NR2F1-AS1: variants seen among roughly 807,000 people sequenced by gnomAD.
NR2F1-AS1 encodes the protein NR2F1 antisense RNA 1.
In NR2F1-AS1 at chr5:93,497,248, C is replaced by T. The variant is rs375260726; in HGVS notation, n.638+56513G>A. ...ATGTGAAGGACGTGCATGAAGAATG[C>T]GGAAGCAGGAAATGACTTGGAGAGC... is the stretch of plus-strand genomic sequence containing the variant. On this transcript the variant is annotated intron_variant and non_coding_transcript_variant, in intron 4 of 5. Transcript: ENST00000660523. Among the ~76,000 whole-genome samples, 21 of 152,080 alleles carry T rather than the reference C, an allele frequency of 1.4e-4. No homozygotes were observed. The East Asian group carries it at 3.1e-3, about 22-fold the overall frequency.
At chr5:93,514,007 G>A (rs1164580568) in intron 4 of NR2F1-AS1, among the ~76,000 whole-genome samples, 1 of 152,000 alleles carries the variant, frequency 6.6e-6, no homozygotes, top group South Asian at 2.1e-4. Flanking sequence ...TACAATAGTT[G>A]ACCCTCATGA....
intron 4 of NR2F1-AS1, among the ~76,000 whole-genome samples, chr5:93,443,594 G>A (rs1440837317): frequency 6.6e-6 from 1 of 152,178 alleles, no homozygotes; most frequent in Non-Finnish European, 1.5e-5. Flanking sequence ...TTAAAGTGAT[G>A]AGGGGAATGG....
At chr5:93,539,564 G>A (rs1438195971) in intron 4 of NR2F1-AS1, among the ~76,000 whole-genome samples, 2 of 152,020 alleles carry the variant, frequency 1.3e-5, no homozygotes, top group African/African-American at 2.4e-5. Flanking sequence ...AAATTATAGA[G>A]GCAGAGAGAA....
At chr5:93,449,665 T>C (rs1395330192) in intron 4 of NR2F1-AS1, among the ~76,000 whole-genome samples, 2 of 152,170 alleles carry the variant, frequency 1.3e-5, no homozygotes, top group Non-Finnish European at 2.9e-5. Flanking sequence ...TCACCCTTTA[T>C]AAAAGGCAAG....
intron 4 of NR2F1-AS1, among the ~76,000 whole-genome samples, chr5:93,519,843 G>C (rs1561480248): frequency 6.6e-6 from 1 of 151,822 alleles, no homozygotes. Context: ...TGAAAAATTA[G>C]ACAAAATAAC....
At chr5:93,480,551 A>G (rs1474041375) in intron 4 of NR2F1-AS1, among the ~76,000 whole-genome samples, 2 of 152,174 alleles carry the variant, frequency 1.3e-5, no homozygotes, top group Admixed American at 6.5e-5. Context: ...AAAGCCATAC[A>G]ATGAAATAAA....
intron 2 of NR2F1-AS1, among the ~76,000 whole-genome samples, chr5:93,560,307 C>T (rs558573238): frequency 1.2e-4 from 19 of 152,290 alleles, no homozygotes; most frequent in East Asian, 7.7e-4. Flanking sequence ...GTCTTGTTCA[C>T]GTATACTGTA....
chr5:93,560,127 T>C (rs536525626), intron 2 of NR2F1-AS1, among the ~76,000 whole-genome samples: 5 of 152,348 alleles, frequency 3.3e-5, no homozygotes, highest in Non-Finnish European at 5.9e-5. Context: ...TAGTTTTACA[T>C]TTTATAAAAA....
At chr5:93,442,145 G>A (rs1181650781) in intron 4 of NR2F1-AS1, among the ~76,000 whole-genome samples, 1 of 152,206 alleles carries the variant, frequency 6.6e-6, no homozygotes, top group Non-Finnish European at 1.5e-5. Flanking sequence ...AAAGATGGGT[G>A]ACTTCTGCAT....
At chr5:93,487,897 T>A (rs1325931864) in intron 4 of NR2F1-AS1, among the ~76,000 whole-genome samples, 1 of 152,078 alleles carries the variant, frequency 6.6e-6, no homozygotes, top group African/African-American at 2.4e-5. Flanking sequence ...AAAACATATA[T>A]AGACCAATGG....
At chr5:93,583,448 TCTC>T (rs904477413), upstream of NR2F1-AS1, 4 of 152,008 alleles carry the variant, frequency 2.6e-5, no homozygotes, top group African/African-American at 9.7e-5. Context: ...CCCTTCTTCT[TCTC>T]CTTTCTCTCC....
intron 4 of NR2F1-AS1, among the ~76,000 whole-genome samples, chr5:93,458,026 C>G (rs1025245588): frequency 6.6e-6 from 1 of 152,190 alleles, no homozygotes; most frequent in South Asian, 2.1e-4. Flanking sequence ...AGCGTACCTT[C>G]ACCCTAGAGA....
intron 1 of NR2F1-AS1, among the ~76,000 whole-genome samples, chr5:93,574,736 T>G (rs562738916): frequency 6.6e-5 from 10 of 152,322 alleles, no homozygotes; most frequent in African/African-American, 2.2e-4. Flanking sequence ...TTCTAAAAGT[T>G]AAGCCCAACA....
chr5:93,465,366 C>T (rs1221860363), intron 4 of NR2F1-AS1, among the ~76,000 whole-genome samples: 2 of 152,198 alleles, frequency 1.3e-5, no homozygotes, highest in African/African-American at 4.8e-5. Context: ...CAAATCAAAA[C>T]CACAATGAGA....
chr5:93,452,570 G>C (rs1024475584), intron 4 of NR2F1-AS1, among the ~76,000 whole-genome samples: 5 of 152,158 alleles, frequency 3.3e-5, no homozygotes, highest in African/African-American at 1.2e-4. Context: ...AAGGTCTTCT[G>C]TAATCTATGG....
intron 4 of NR2F1-AS1, chr5:93,438,860 G>A (rs901972492): frequency 1.3e-5 from 2 of 152,218 alleles, no homozygotes; most frequent in Non-Finnish European, 2.9e-5. Context: ...CACTCTAAGA[G>A]AGCTGAACCT....
chr5:93,526,154 T>C (rs1458774467), intron 4 of NR2F1-AS1, among the ~76,000 whole-genome samples: 1 of 151,828 alleles, frequency 6.6e-6, no homozygotes, highest in Non-Finnish European at 1.5e-5. Context: ...ATAAACACAA[T>C]AAAAAATGAT....
intron 4 of NR2F1-AS1, among the ~76,000 whole-genome samples, chr5:93,495,363 T>C (rs1750937384): frequency 6.6e-6 from 1 of 152,170 alleles, no homozygotes; most frequent in Non-Finnish European, 1.5e-5. Context: ...AAAAAGAAAG[T>C]AGAATTGTAT....
intron 4 of NR2F1-AS1, among the ~76,000 whole-genome samples, chr5:93,472,378 G>A (rs1311679521): frequency 1.3e-5 from 2 of 151,752 alleles, no homozygotes. Flanking sequence ...ACAAGATAAT[G>A]CCTAATATCT....
Sources: allele counts gnomAD v4.1 joint callset (sites outside exome capture counted in the v4.1 genomes callset), GRCh38; gene constraint gnomAD v4.1.1; transcripts MANE v1.5; gene names NCBI Gene and HGNC (gene_info 2026-07-23, HGNC 2026-07-21).